CNOT10: variants seen among roughly 807,000 people sequenced by gnomAD.
CNOT10 encodes CCR4-NOT transcription complex, subunit 10.
Under a neutral mutation model 94.6 loss-of-function variants are expected in CNOT10, and 30 were observed. The ratio of observed to expected loss-of-function variants is 0.32; its 90% CI spans 0.24 to 0.43. The LOEUF is 0.43. Among genes scored for constraint, CNOT10 ranks in the 20% least tolerant of loss-of-function variants. The pLI, the probability that CNOT10 is intolerant of heterozygous loss-of-function variation, is 1.00. For synonymous variants in CNOT10, 289 were observed against 301.6 expected, an observed-to-expected ratio of 0.96 and a Z score of 0.43; for missense variants, 759 against 877.2, an observed-to-expected ratio of 0.87 and a Z score of 1.70.
At chr3:32,764,368 T>C (rs1683675531) in intron 15 of CNOT10, 87 bp from the exon 16 acceptor site, 1 of 1,311,102 alleles carries the variant, frequency 7.6e-7, no homozygotes, top group Non-Finnish European at 1.1e-6. Context: ...AAAGAAAATA[T>C]GCCCTCTACC....
intron 7 of CNOT10, among the ~76,000 whole-genome samples, chr3:32,719,658 C>CT (rs35948264): frequency 1.3e-5 from 2 of 151,560 alleles, no homozygotes; most frequent in South Asian, 2.1e-4. Flanking sequence ...TAGAATGGCA[C>CT]TTTTTTTTTC....
chr3:32,710,306 A>AT lies in CNOT10; in HGVS notation c.430+1494dup, dbSNP rs538987129. 1.3e-4 allele frequency among the ~76,000 whole-genome samples: 18 copies of AT among 143,076 alleles called. No homozygotes were observed. In the South Asian group the frequency reaches 3.3e-3, roughly 27 times the overall value. The allele number at this position is 143,076 out of a possible 152,430, so 93.9% of individuals were successfully genotyped here. On this transcript the variant is annotated intron_variant, in intron 4 of 18. Transcript: ENST00000328834. ...TTTTTTTTAAACTTTTACTGCTTGG[A>AT]TTTTTTTTAAAGACTGTTTTTTTAG...
rs145512183 is a variant in CNOT10 at position 32,735,096 on chromosome 3, G to A, written c.1514+120G>A. On this transcript the variant is annotated intron_variant, in intron 12 of 18. Coordinates refer to ENST00000328834, the MANE Select transcript of CNOT10 (RefSeq NM_015442.3). ...CTGAATTTCTGAAATTCTGTTTTGC[G>A]TAACAAGAAAGGAAAGTATTTATGT... is the stretch of plus-strand genomic sequence containing the variant. 139 of 847,548 alleles carry A rather than the reference G, an allele frequency of 1.6e-4. No homozygotes were observed. The African/African-American group carries it at 1.9e-3, about 12-fold the overall frequency. 52.5% of individuals were successfully genotyped at this position (847,548 alleles called of 1,614,324 possible). A position where few individuals can be genotyped will look rare whatever the true frequency, so the allele number is the denominator to read the frequency against.
chr3:32,759,555 C>CT lies in CNOT10; in HGVS notation c.1694dup (p.Ser566ValfsTer5). The CT allele has an allele frequency of 6.2e-7, 1 of 1,613,206 alleles. No individual in the cohort carries two copies. ...AGATAAACTTCTTCAGCAGCCCAAG[C>CT]TGTCAGGATCTCTTAAGTAAGTGTG... On this transcript the variant is annotated frameshift_variant, in exon 14 of 19. Transcript: ENST00000328834. LOFTEE classifies it high-confidence loss of function.
At chr3:32,732,455 C>T (rs1292860246) in intron 10 of CNOT10, among the ~76,000 whole-genome samples, 1 of 151,740 alleles carries the variant, frequency 6.6e-6, no homozygotes, top group Admixed American at 6.6e-5. Flanking sequence ...TGGCACACAC[C>T]TGTACCTGTA....
chr3:32,689,364 A>G (rs1179061843), intron 1 of CNOT10, among the ~76,000 whole-genome samples: 8 of 151,856 alleles, frequency 5.3e-5, no homozygotes, highest in African/African-American at 1.7e-4. Flanking sequence ...AAAAAAAAAA[A>G]AAAAGAAAAA....
At chr3:32,738,465 CT>C (rs367907658) in intron 13 of CNOT10, among the ~76,000 whole-genome samples, 16,651 of 141,532 alleles carry the variant, frequency 0.12, 872 homozygotes, top group South Asian at 0.18. Flanking sequence ...TTTTATATTT[CT>C]TTTTTTTTTT....
intron 3 of CNOT10, among the ~76,000 whole-genome samples, chr3:32,707,757 C>T (rs926163645): frequency 3.3e-5 from 5 of 151,654 alleles, no homozygotes; most frequent in Admixed American, 1.3e-4. Context: ...GAGCTGAGTT[C>T]GTGCCACTGC....
chr3:32,766,186 A>G (rs189166166), intron 17 of CNOT10, among the ~76,000 whole-genome samples: 39,722 of 42,580 alleles, frequency 0.93, 19,656 homozygotes, highest in East Asian at 1. Context: ...TGTATTTTTA[A>G]TAGAGACGGG....
chr3:32,737,032 G>T (rs1467927196), intron 12 of CNOT10, among the ~76,000 whole-genome samples: 1 of 152,164 alleles, frequency 6.6e-6, no homozygotes. Flanking sequence ...TACATGGGAG[G>T]CCGGGCGAGG....
intron 10 of CNOT10, 42 bp downstream of exon 10, chr3:32,727,912 C>T: frequency 1.4e-6 from 2 of 1,423,982 alleles, no homozygotes; most frequent in South Asian, 2.5e-5. Flanking sequence ...TGTCTTCTCC[C>T]CACTTACTAC....
chr3:32,740,078 C>T (rs78721601), intron 13 of CNOT10, among the ~76,000 whole-genome samples: 150 of 152,294 alleles, frequency 9.8e-4, no homozygotes, highest in African/African-American at 3.5e-3. Context: ...GCAAGGATGA[C>T]AGATCGAGGC....
At chr3:32,719,094 C>G (rs1401709903) in intron 7 of CNOT10, among the ~76,000 whole-genome samples, 1 of 152,078 alleles carries the variant, frequency 6.6e-6, no homozygotes, top group African/African-American at 2.4e-5. Context: ...ACTAAAAATA[C>G]AAAAATTAGC....
chr3:32,692,080 G>A (rs958011067), intron 1 of CNOT10, among the ~76,000 whole-genome samples: 9 of 140,938 alleles, frequency 6.4e-5, no homozygotes, highest in South Asian at 2.2e-4. Context: ...CCAATTTCCC[G>A]CCAGGCATGG....
chr3:32,727,900 C>G (rs1698753021), intron 10 of CNOT10, 30 bp downstream of exon 10: 1 of 1,538,856 alleles, frequency 6.5e-7, no homozygotes, highest in Non-Finnish European at 8.9e-7. Flanking sequence ...CTTTTTAAAC[C>G]CTGTCTTCTC....
intron 10 of CNOT10, among the ~76,000 whole-genome samples, chr3:32,732,328 T>C (rs1442419383): frequency 1.3e-5 from 2 of 151,848 alleles, no homozygotes. Context: ...AGGTGAAGGT[T>C]GCAGTGAGCC....
At chr3:32,733,224 T>C (rs1420923488) in intron 10 of CNOT10, among the ~76,000 whole-genome samples, 199 bp from the exon 11 acceptor site, 1 of 152,178 alleles carries the variant, frequency 6.6e-6, no homozygotes, top group Non-Finnish European at 1.5e-5. Flanking sequence ...GTAAACAAAA[T>C]GTAGCACATA....
At chr3:32,706,437 C>G (rs1697626809) in intron 3 of CNOT10, among the ~76,000 whole-genome samples, 1 of 152,196 alleles carries the variant, frequency 6.6e-6, no homozygotes, top group South Asian at 2.1e-4. Flanking sequence ...GGCCTTCCAA[C>G]TCTTGAGTTT....
chr3:32,720,632 A>G (rs982386107), intron 8 of CNOT10, among the ~76,000 whole-genome samples: 3 of 151,900 alleles, frequency 2.0e-5, no homozygotes, highest in South Asian at 2.1e-4. Flanking sequence ...AGCTGGGACT[A>G]TAGGCATGCA....
Sources: allele counts gnomAD v4.1 joint callset (sites outside exome capture counted in the v4.1 genomes callset), GRCh38; gene constraint gnomAD v4.1.1; transcripts MANE v1.5; gene names NCBI Gene and HGNC (gene_info 2026-07-23, HGNC 2026-07-21).